Variants in DHX33 observed in about 807,000 individuals in gnomAD.
DHX33 encodes DEAH-box helicase 33.
A neutral mutation model predicts 72.5 loss-of-function variants in DHX33; 42 were observed. That is an observed-to-expected ratio of 0.58 (90% CI 0.45 to 0.75). The LOEUF is 0.75. Among genes scored for constraint, DHX33 ranks in the 30% least tolerant of loss-of-function variants. DHX33 has a pLI of 0.00. For missense variants in DHX33, 842 were observed against 917.5 expected (o/e 0.92, Z 1.06); for synonymous variants, 358 against 366.1 (o/e 0.98, Z 0.25).
chr17:5,453,877 G>A lies in DHX33; in HGVS notation c.1251C>T (p.Leu417=). The change falls in exon 7 of 12, where the codon CTC becomes CTT. Residue 417 remains leucine (L), a synonymous_variant. Transcript: ENST00000225296. The part of the protein sequence containing the change: ...GREDSGICYR[L]YTEDEFEKFD... ...ACTTCTCAAACTCGTCCTCCGTGTAGAGCCGGTAGCAGATGCCACTGTCCT... is the reference window on the plus strand; with the variant it reads ...ACTTCTCAAACTCGTCCTCCGTGTAAAGCCGGTAGCAGATGCCACTGTCCT... 6.2e-7 allele frequency: 1 copy of A among 1,614,082 alleles called. No homozygotes were observed. Among genetic ancestry groups the A allele is most frequent in the South Asian group, 1.1e-5 (1 of 91,062 alleles).
intron 8 of DHX33, 142 bp from the exon 9 acceptor site, chr17:5,451,076 G>T (rs1916886200): frequency 2.2e-6 from 2 of 904,670 alleles, no homozygotes; most frequent in Admixed American, 2.8e-5. Context: ...TGACACACTT[G>T]TCAAAGAACG....
chr17:5,446,575 A>G (rs1240599082), intron 11 of DHX33, among the ~76,000 whole-genome samples: 1 of 152,284 alleles, frequency 6.6e-6, no homozygotes, highest in Non-Finnish European at 1.5e-5. Flanking sequence ...AGGCAGCCAC[A>G]TAAAAAGTAC....
chr17:5,456,200 T>G lies in DHX33; in HGVS notation c.850-18A>C. ...GGGGCTTCCTGTAAAAAAAGTAGAG[T>G]GGGTTTACTAGGCATTGATAGAATT... is the stretch of plus-strand genomic sequence containing the variant. On this transcript the variant is annotated intron_variant, in intron 4 of 11. Coordinates refer to ENST00000225296, the MANE Select transcript of DHX33 (RefSeq NM_020162.4). The G allele has an allele frequency of 1.2e-6, 2 of 1,612,440 alleles. No homozygotes were observed. The highest frequency in any genetic ancestry group is 1.7e-6 in the Non-Finnish European group (2 of 1,178,860).
At position 5,461,127 on chromosome 17, in the gene DHX33, G is replaced by T; in HGVS notation, c.679-18C>A. On this transcript the variant is annotated intron_variant, in intron 3 of 11. Coordinates refer to ENST00000225296, the MANE Select transcript of DHX33 (RefSeq NM_020162.4). ...ACAATCACCTGCATAAGAGAACGAA[G>T]AGGAGGACCAGAAACAAATAGTGGG... is the stretch of plus-strand genomic sequence containing the variant. 1 of 1,593,168 alleles carries T rather than the reference G, an allele frequency of 6.3e-7. No individual in the cohort carries two copies. The highest frequency in any genetic ancestry group is 8.6e-7 in the Non-Finnish European group (1 of 1,165,452).
rs1904745219 is a variant in DHX33 at position 5,463,694 on chromosome 17, G to A, written c.290-5C>T. The A allele has an allele frequency of 6.4e-7, 1 of 1,570,524 alleles. No individual in the cohort carries two copies. The highest frequency in any genetic ancestry group is 1.2e-5 in the South Asian group (1 of 85,878). ...TCTTCCCAGAGCCAGTTTCCCCTAGGAGAGAGGGGGAAAAAAAAAAAAGGC... is the reference window on the plus strand; with the variant it reads ...TCTTCCCAGAGCCAGTTTCCCCTAGAAGAGAGGGGGAAAAAAAAAAAAGGC... On this transcript the variant is annotated splice_region_variant and splice_polypyrimidine_tract_variant and intron_variant, in intron 1 of 11. Transcript: ENST00000225296.
chr17:5,454,057 A>G (rs1353051689), intron 6 of DHX33, 77 bp from the exon 7 acceptor site: 1 of 1,517,324 alleles, frequency 6.6e-7, no homozygotes, highest in Non-Finnish European at 8.9e-7. Context: ...AAAGAAGCAC[A>G]CCAGTGGTTC....
chr17:5,464,773 G>A (rs1045181264), intron 1 of DHX33, among the ~76,000 whole-genome samples: 2 of 152,152 alleles, frequency 1.3e-5, no homozygotes, highest in African/African-American at 4.8e-5. Flanking sequence ...TTCATGCACT[G>A]CTGCCTTCAA....
intron 1 of DHX33, among the ~76,000 whole-genome samples, chr17:5,463,981 C>T (rs1388075637): frequency 6.6e-6 from 1 of 152,004 alleles, no homozygotes; most frequent in East Asian, 1.9e-4. Flanking sequence ...TGTGCCACTG[C>T]ATGCCAGCCT....
At chr17:5,450,721 A>G in intron 9 of DHX33, 86 bp downstream of exon 9, 1 of 1,561,238 alleles carries the variant, frequency 6.4e-7, no homozygotes, top group South Asian at 1.2e-5. Flanking sequence ...AGTGAGATTA[A>G]TCTAGAAGCA....
intron 8 of DHX33, among the ~76,000 whole-genome samples, chr17:5,452,331 G>A (rs1041909048): frequency 2.6e-5 from 4 of 152,170 alleles, no homozygotes; most frequent in African/African-American, 9.7e-5. Context: ...CCTAGGTCAG[G>A]AGTTCAAGAC....
intron 4 of DHX33, among the ~76,000 whole-genome samples, chr17:5,457,712 T>C (rs925387573): frequency 6.6e-6 from 1 of 152,122 alleles, no homozygotes; most frequent in African/African-American, 2.4e-5. Flanking sequence ...TTTTAATATG[T>C]ATTTTTTTTC....
At chr17:5,454,100 G>A in intron 6 of DHX33, 120 bp from the exon 7 acceptor site, 1 of 1,214,672 alleles carries the variant, frequency 8.2e-7, no homozygotes, top group South Asian at 1.5e-5. Flanking sequence ...AAAGCCTCAA[G>A]GCTAGCACAA....
intron 1 of DHX33, among the ~76,000 whole-genome samples, chr17:5,466,468 C>G (rs1457717350): frequency 6.6e-6 from 1 of 152,154 alleles, no homozygotes; most frequent in Non-Finnish European, 1.5e-5. Flanking sequence ...AGCCTCTTCC[C>G]CCTGCTTTCA....
At chr17:5,464,021 A>G (rs1904760405) in intron 1 of DHX33, among the ~76,000 whole-genome samples, 1 of 151,966 alleles carries the variant, frequency 6.6e-6, no homozygotes, top group Non-Finnish European at 1.5e-5. Context: ...TGTCTCAAAA[A>G]AAATAATAAA....
intron 1 of DHX33, among the ~76,000 whole-genome samples, chr17:5,466,977 T>G (rs1423709607): frequency 1.3e-5 from 2 of 152,198 alleles, no homozygotes; most frequent in Non-Finnish European, 2.9e-5. Flanking sequence ...AATGCACATT[T>G]TTACCTACGT....
At chr17:5,462,265 GCATACTTTCAGGGGAAGTTTCCCT>G (rs1250862803) in intron 3 of DHX33, 30 bp downstream of exon 3, 480 of 1,530,812 alleles carry the variant, frequency 3.1e-4, no homozygotes, top group East Asian at 1.1e-3. Flanking sequence ...TGTGTGTTAC[GCATACTTTCAGGGGAAGTTTCCCT>G]CATACTTTCA....
At position 5,465,257 on chromosome 17, in the gene DHX33, GT is replaced by G. The variant is rs545121532; in HGVS notation, c.290-1569del. Among the ~76,000 whole-genome samples the G allele has an allele frequency of 1.2e-4, 18 of 152,098 alleles. No homozygotes were observed. In the South Asian group the frequency reaches 3.3e-3, roughly 28 times the overall value. Reference sequence around the variant, plus strand: ...AGTCCTCCAGTCCCATGATTTGTGGGTTTTTTTCCCTGTCAGTCTGTCAGCC... The same window carrying G: ...AGTCCTCCAGTCCCATGATTTGTGGGTTTTTTCCCTGTCAGTCTGTCAGCC... On this transcript the variant is annotated intron_variant, in intron 1 of 11. Transcript: ENST00000225296.
intron 3 of DHX33, among the ~76,000 whole-genome samples, chr17:5,461,917 G>A (rs1412325834): frequency 6.8e-6 from 1 of 147,378 alleles, no homozygotes; most frequent in African/African-American, 2.5e-5. Context: ...ATAAAGTTAT[G>A]CTATTTAATG....
At chr17:5,447,624 C>G (rs1235444366) in intron 11 of DHX33, among the ~76,000 whole-genome samples, 1 of 148,478 alleles carries the variant, frequency 6.7e-6, no homozygotes, top group East Asian at 2.0e-4. Flanking sequence ...AACTCCGTCT[C>G]AAAAAAAAAG....
Sources: gnomAD v4.1 joint callset for allele counts (sites outside exome capture counted in the v4.1 genomes callset) on GRCh38, gnomAD v4.1.1 for gene constraint, MANE v1.5 for transcripts, NCBI Gene and HGNC (gene_info 2026-07-23, HGNC 2026-07-21) for gene names.